The following ELF2 variants were observed in gnomAD, a reference collection of about 807,000 sequenced individuals.
ELF2 encodes E74 like ETS transcription factor 2, also known as ETS-related transcription factor Elf-2.
A neutral mutation model predicts 54.8 loss-of-function variants in ELF2; 11 were observed. That is an observed-to-expected ratio of 0.20 (90% CI 0.13 to 0.33). The LOEUF (loss-of-function observed/expected upper bound fraction) is 0.33, where lower values mean the gene tolerates loss of function less well. Ranked by LOEUF, ELF2 falls within the 10% of genes least tolerant of loss-of-function variation. ELF2 has a pLI of 1.00. For missense variants in ELF2, 513 were observed against 703.0 expected (o/e 0.73, Z 3.06); for synonymous variants, 203 against 245.1 (o/e 0.83, Z 1.61).
In ELF2 at chr4:139,058,970, T is replaced by G; in HGVS notation, c.*13A>C. The stretch of plus-strand genomic sequence containing the variant: ...GCCACTAACAGCCTGAAGTCCATGG[T>G]GGAGCTGCTATTTTATTTCTCACAT... On this transcript the variant is annotated 3_prime_UTR_variant, in exon 10 of 10. Transcript: ENST00000686138. 6.3e-7 allele frequency: 1 copy of G among 1,590,214 alleles called. No homozygotes were observed. Among genetic ancestry groups the G allele is most frequent in the South Asian group, 1.1e-5 (1 of 86,962 alleles).
intron 4 of ELF2, among the ~76,000 whole-genome samples, chr4:139,089,046 C>T (rs1484508708): frequency 1.3e-5 from 2 of 152,184 alleles, no homozygotes; most frequent in African/African-American, 2.4e-5. Context: ...CGTGAGCCGC[C>T]GTGCCTGGCC....
chr4:139,086,100 T>C (rs1372439917), intron 4 of ELF2, among the ~76,000 whole-genome samples: 1 of 152,174 alleles, frequency 6.6e-6, no homozygotes, highest in East Asian at 1.9e-4. Flanking sequence ...ATTTATAGTA[T>C]GATAAACTGC....
intron 1 of ELF2, among the ~76,000 whole-genome samples, chr4:139,159,678 G>A (rs1740904554): frequency 6.6e-6 from 1 of 152,102 alleles, no homozygotes; most frequent in South Asian, 2.1e-4. Flanking sequence ...GCCTTTTGAT[G>A]GCTGCTTTTT....
At chr4:139,070,011 T>C (rs550357083) in intron 6 of ELF2, among the ~76,000 whole-genome samples, 207 of 151,740 alleles carry the variant, frequency 1.4e-3, no homozygotes, top group Non-Finnish European at 3.4e-4. Flanking sequence ...TGGCTAATTT[T>C]TTTTTTTATT....
rs1262309317 is a variant in ELF2, at chr4:139,073,261, T to C, written c.352+193A>G. On this transcript the variant is annotated intron_variant, in intron 5 of 9. Coordinates refer to ENST00000686138, the MANE Select transcript of ELF2 (RefSeq NM_001331036.3). Reference sequence around the variant, plus strand: ...CTATAGTGGGTATTTTCTGTATCATTTGTTATGAAAATTAAGTATTTAAGA... The same window carrying C: ...CTATAGTGGGTATTTTCTGTATCATCTGTTATGAAAATTAAGTATTTAAGA... Among the ~76,000 whole-genome samples the C allele has an allele frequency of 3.3e-5, 5 of 152,210 alleles. No individual in the cohort carries two copies. The South Asian group carries it at 1.0e-3, about 31-fold the overall frequency.
chr4:139,153,564 C>T (rs944802183), intron 1 of ELF2, among the ~76,000 whole-genome samples: 3 of 152,118 alleles, frequency 2.0e-5, no homozygotes, highest in African/African-American at 7.2e-5. Context: ...CCACTTTGTT[C>T]CTAAATAGAT....
At chr4:139,138,380 G>A (rs1467423394) in intron 2 of ELF2, among the ~76,000 whole-genome samples, 3 of 151,180 alleles carry the variant, frequency 2.0e-5, no homozygotes, top group African/African-American at 7.3e-5. Context: ...TGGCGCCACT[G>A]CACTCCAGCC....
chr4:139,137,862 G>A lies in ELF2; in HGVS notation c.-161C>T. On this transcript the variant is annotated 5_prime_UTR_variant, in exon 3 of 10. Transcript: ENST00000686138. ...CCAGTCTTCTAAAGATGATTAACCA[G>A]AAAGCCTAAAAAGAGGAAGAATTTG... 1 of 1,306,500 alleles carries A rather than the reference G, an allele frequency of 7.7e-7. No individual in the cohort carries two copies. The highest frequency in any genetic ancestry group is 2.9e-5 in the East Asian group (1 of 35,068). 80.9% of individuals were successfully genotyped at this position (1,306,500 alleles called of 1,614,324 possible).
chr4:139,153,371 G>C (rs1021576994), intron 1 of ELF2, among the ~76,000 whole-genome samples: 2 of 152,040 alleles, frequency 1.3e-5, no homozygotes, highest in African/African-American at 4.8e-5. Context: ...GGAGGCAGAG[G>C]TTGCTGTGAG....
chr4:139,114,627 A>ATT, intron 4 of ELF2, among the ~76,000 whole-genome samples: 1 of 92,966 alleles, frequency 1.1e-5, no homozygotes, highest in African/African-American at 4.3e-5. Flanking sequence ...ACTGACATGG[A>ATT]TTTTTTTTTT....
At chr4:139,140,753 CAAAA>C (rs562017566) in intron 1 of ELF2, among the ~76,000 whole-genome samples, 2 of 118,402 alleles carry the variant, frequency 1.7e-5, no homozygotes, top group Non-Finnish European at 3.6e-5. Context: ...GACCCTGTCT[CAAAA>C]AAAAAAAAAA....
intron 1 of ELF2, among the ~76,000 whole-genome samples, chr4:139,164,034 G>A (rs1279429183): frequency 6.7e-6 from 1 of 150,240 alleles, no homozygotes; most frequent in East Asian, 2.0e-4. Context: ...GAAAGAGAAG[G>A]AAGGGAGGCA....
At chr4:139,177,726 C>A (rs1743120887), upstream of ELF2, among the ~76,000 whole-genome samples, 1 of 151,730 alleles carries the variant, frequency 6.6e-6, no homozygotes, top group East Asian at 1.9e-4. Flanking sequence ...GGACCGCACG[C>A]ACACACCCTC....
chr4:139,171,391 G>T (rs1742294633), intron 1 of ELF2, among the ~76,000 whole-genome samples: 1 of 151,806 alleles, frequency 6.6e-6, no homozygotes, highest in Non-Finnish European at 1.5e-5. Context: ...TTTATGCCAA[G>T]TGTTCCATTT....
rs979651724 is a variant in ELF2 at position 139,084,033 on chromosome 4, G to A, written c.239-10466C>T. 7 of 1,584,658 alleles carry A rather than the reference G, an allele frequency of 4.4e-6. No individual in the cohort carries two copies. In the Admixed American group the frequency reaches 6.8e-5, roughly 15 times the overall value. On this transcript the variant is annotated intron_variant, in intron 4 of 9. Coordinates refer to ENST00000686138, the MANE Select transcript of ELF2 (RefSeq NM_001331036.3). The stretch of plus-strand genomic sequence containing the variant: ...CCCCAGTGACTGTGAGGTGGACACT[G>A]TACCCCCAGCACAGACTGCTACAGG...
rs186350721 is a variant in ELF2 at position 139,158,693 on chromosome 4, G to A, written c.-252+18274C>T. Among the ~76,000 whole-genome samples the A allele has an allele frequency of 2.5e-3, 378 of 152,146 alleles. 1 individual carries two copies. Among genetic ancestry groups the A allele is most frequent in the African/African-American group, 8.5e-3 (352 of 41,488 alleles). ...TTTTGTATGAATTGAAAAACTAAACGGAATAAGAGAAGGAAAAAAGCAGGT... is the reference window on the plus strand; with the variant it reads ...TTTTGTATGAATTGAAAAACTAAACAGAATAAGAGAAGGAAAAAAGCAGGT... On this transcript the variant is annotated intron_variant, in intron 1 of 9. Coordinates refer to ENST00000686138, the MANE Select transcript of ELF2 (RefSeq NM_001331036.3).
At chr4:139,064,480 G>A (rs539004110) in intron 7 of ELF2, among the ~76,000 whole-genome samples, 19 of 152,304 alleles carry the variant, frequency 1.2e-4, no homozygotes, top group African/African-American at 4.6e-4. Flanking sequence ...TCAAAGTACT[G>A]ATGTTTTGTC....
chr4:139,154,761 T>A (rs1194351721), intron 1 of ELF2, among the ~76,000 whole-genome samples: 1 of 152,184 alleles, frequency 6.6e-6, no homozygotes, highest in Non-Finnish European at 1.5e-5. Context: ...CTGACACCAA[T>A]GCACATGTGA....
chr4:139,079,557 C>A (rs1466222960), intron 4 of ELF2, among the ~76,000 whole-genome samples: 5 of 152,218 alleles, frequency 3.3e-5, no homozygotes, highest in African/African-American at 1.2e-4. Context: ...CAACCAAATT[C>A]TATCCCCATG....
Sources: allele counts gnomAD v4.1 joint callset (sites outside exome capture counted in the v4.1 genomes callset), GRCh38; gene constraint gnomAD v4.1.1; transcripts MANE v1.5; gene names NCBI Gene and HGNC (gene_info 2026-07-23, HGNC 2026-07-21).